The following NTM variants were observed in gnomAD, a reference collection of about 807,000 sequenced individuals.
NTM encodes the protein IgLON family member 2.
NTM carries 13 observed loss-of-function variants against 42.1 expected under a neutral mutation model. The observed-to-expected ratio is 0.31, with a 90% CI of 0.20 to 0.49. NTM has a LOEUF of 0.49. NTM is among the 20% of genes least tolerant of loss of function. NTM has a pLI of 0.99. For synonymous variants in NTM, 187 were observed against 179.2 expected, an observed-to-expected ratio of 1.04 and a Z score of -0.35; for missense variants, 373 against 452.8, an observed-to-expected ratio of 0.82 and a Z score of 1.60.
At chr11:131,442,402 T>C (rs922520779) in intron 1 of NTM, among the ~76,000 whole-genome samples, 10 of 152,200 alleles carry the variant, frequency 6.6e-5, no homozygotes, top group South Asian at 2.1e-4. Context: ...ATGACAGCTT[T>C]CAGTGCATGG....
chr11:131,616,977 T>G (rs1253060676), intron 1 of NTM, among the ~76,000 whole-genome samples: 1 of 152,182 alleles, frequency 6.6e-6, no homozygotes, highest in Non-Finnish European at 1.5e-5. Context: ...CCCCAGATGC[T>G]GGGTTTGGAA....
intron 4 of NTM, among the ~76,000 whole-genome samples, chr11:132,266,538 T>C (rs775776012): frequency 1.7e-4 from 26 of 152,220 alleles, no homozygotes; most frequent in Admixed American, 3.9e-4. Flanking sequence ...CCACATGTAA[T>C]GAGGAGAGGC....
chr11:131,729,260 C>T (rs985223503), intron 1 of NTM, among the ~76,000 whole-genome samples: 1 of 151,948 alleles, frequency 6.6e-6, no homozygotes, highest in African/African-American at 2.4e-5. Context: ...TAGCCTTAGC[C>T]CTCAGGGCCA....
chr11:132,141,266 C>T (rs2069083317), intron 2 of NTM, among the ~76,000 whole-genome samples: 1 of 151,850 alleles, frequency 6.6e-6, no homozygotes, highest in African/African-American at 2.4e-5. Context: ...TCTCTCCCCC[C>T]TACCCCTCTC....
chr11:131,606,764 T>C (rs754204065), intron 1 of NTM, among the ~76,000 whole-genome samples: 4 of 152,146 alleles, frequency 2.6e-5, no homozygotes, highest in Non-Finnish European at 5.9e-5. Context: ...AGAGCAATAA[T>C]AGCTATTAAA....
intron 1 of NTM, among the ~76,000 whole-genome samples, chr11:131,789,635 AAAAGAAGAAGAAG>A (rs2090466404): frequency 5.3e-5 from 2 of 37,906 alleles, no homozygotes; most frequent in African/African-American, 1.9e-4. Flanking sequence ...GAAGAAGAAG[AAAAGAAGAAGAAG>A]AAGAAGAAGA....
chr11:131,871,608 T>C (rs1301811991), intron 1 of NTM, among the ~76,000 whole-genome samples: 1 of 152,230 alleles, frequency 6.6e-6, no homozygotes, highest in East Asian at 1.9e-4. Context: ...CTTACACAAA[T>C]AGTTTATCAA....
At chr11:132,278,743 T>TTCTCTC (rs66748602) in intron 4 of NTM, among the ~76,000 whole-genome samples, 12,170 of 137,506 alleles carry the variant, frequency 0.089, 703 homozygotes, top group Non-Finnish European at 0.12. Context: ...TCATTTGGGC[T>TTCTCTC]TCTCTCTCTC....
At chr11:131,695,632 G>A (rs2075352620) in intron 1 of NTM, among the ~76,000 whole-genome samples, 1 of 152,122 alleles carries the variant, frequency 6.6e-6, no homozygotes. Context: ...TGTCAAATCT[G>A]TGAATAGAGC....
intron 1 of NTM, among the ~76,000 whole-genome samples, chr11:131,805,016 G>A (rs1427800117): frequency 6.6e-6 from 1 of 152,128 alleles, no homozygotes; most frequent in Non-Finnish European, 1.5e-5. Flanking sequence ...TTGCACCCCA[G>A]CCTCCAGAAC....
At chr11:132,021,091 G>T (rs1233989844) in intron 2 of NTM, among the ~76,000 whole-genome samples, 1 of 151,926 alleles carries the variant, frequency 6.6e-6, no homozygotes, top group African/African-American at 2.4e-5. Context: ...TTTTCCAACT[G>T]GGTAATTTAT....
At chr11:132,199,095 G>A (rs755911526) in intron 3 of NTM, among the ~76,000 whole-genome samples, 9 of 152,228 alleles carry the variant, frequency 5.9e-5, no homozygotes, top group Non-Finnish European at 1.2e-4. Context: ...GGTGGCTAGA[G>A]TGCTAAATGG....
chr11:131,889,139 T>C (rs1251499900), intron 1 of NTM, among the ~76,000 whole-genome samples: 1 of 152,180 alleles, frequency 6.6e-6, no homozygotes, highest in African/African-American at 2.4e-5. Context: ...ATGGTTCATC[T>C]CCCAAAAGGA....
chr11:131,633,422 C>T (rs996121643), intron 1 of NTM, among the ~76,000 whole-genome samples: 2 of 152,298 alleles, frequency 1.3e-5, no homozygotes, highest in Middle Eastern at 3.4e-3. Context: ...ATCTCTGAAA[C>T]TTAGAGTTTT....
At position 132,282,976 on chromosome 11, in the gene NTM, C is replaced by CTTTTTTTTTTTTTTTTTT. The variant is rs142817071; in HGVS notation, c.527-24705_527-24688dup. ...AATGAAACGGGAAATTCCTTTATTC[C>CTTTTTTTTTTTTTTTTTT]TTTTTTTTTTTTTTTTTTTTTTTTT... On this transcript the variant is annotated intron_variant, in intron 4 of 8. Transcript: ENST00000683400. Among the ~76,000 whole-genome samples, 446 of 108,906 alleles carry CTTTTTTTTTTTTTTTTTT rather than the reference C, an allele frequency of 4.1e-3. 20 individuals carry two copies. Among genetic ancestry groups the CTTTTTTTTTTTTTTTTTT allele is most frequent in the Non-Finnish European group, 5.7e-3 (320 of 55,876 alleles). The allele number at this position is 108,906 out of a possible 152,430, so 71.4% of individuals were successfully genotyped here.
chr11:132,318,584 GTGACTCATTAAGACTATGACTA>G (rs1370558710), intron 7 of NTM, among the ~76,000 whole-genome samples: 1 of 152,140 alleles, frequency 6.6e-6, no homozygotes, highest in African/African-American at 2.4e-5. Context: ...CCTAGAGTGA[GTGACTCATTAAGACTATGACTA>G]TGACTAAGCA....
chr11:131,991,425 T>C (rs2067000549), intron 2 of NTM, among the ~76,000 whole-genome samples: 1 of 152,188 alleles, frequency 6.6e-6, no homozygotes, highest in South Asian at 2.1e-4. Flanking sequence ...ATTGATTAAA[T>C]GATTACTTTA....
intron 1 of NTM, among the ~76,000 whole-genome samples, chr11:131,616,729 G>A (rs1369865547): frequency 6.6e-6 from 1 of 151,632 alleles, no homozygotes; most frequent in African/African-American, 2.4e-5. Flanking sequence ...ATGCGGTCAG[G>A]AGGAAACTCA....
intron 1 of NTM, among the ~76,000 whole-genome samples, chr11:131,372,647 T>C (rs1565436939): frequency 6.6e-6 from 1 of 152,036 alleles, no homozygotes; most frequent in Non-Finnish European, 1.5e-5. Context: ...CCCTCAGTCA[T>C]TTCTATCTGT....
Sources: allele counts gnomAD v4.1 joint callset (sites outside exome capture counted in the v4.1 genomes callset), GRCh38; gene constraint gnomAD v4.1.1; transcripts MANE v1.5; gene names NCBI Gene and HGNC (gene_info 2026-07-23, HGNC 2026-07-21).